Variants in RELN observed in about 807,000 individuals in gnomAD.
RELN encodes the protein reelin.
A neutral mutation model predicts 427.6 loss-of-function variants in RELN; 108 were observed. The observed-to-expected ratio is 0.25, with a 90% CI of 0.22 to 0.30. The LOEUF (loss-of-function observed/expected upper bound fraction) is 0.30, where lower values mean the gene tolerates loss of function less well. Among genes scored for constraint, RELN ranks in the 10% least tolerant of loss-of-function variants. The pLI, the probability that RELN is intolerant of heterozygous loss-of-function variation, is 1.00. For missense variants in RELN, 3,715 were observed against 4,302.8 expected (o/e 0.86, Z 3.82); for synonymous variants, 1,524 against 1,513.4 (o/e 1.01, Z -0.16).
At chr7:103,806,593 G>A (rs183892453) in intron 3 of RELN, among the ~76,000 whole-genome samples, 15 of 152,056 alleles carry the variant, frequency 9.9e-5, no homozygotes, top group Non-Finnish European at 2.2e-4. Flanking sequence ...CCAAAGTGCT[G>A]GGATTACAGG....
Position 103,561,800 on chromosome 7 carries a change from T to TA in RELN, c.5351+12_5351+13insT. ...CGTTACAAAGAAAGAAACTGTCAGT[T>TA]TTATTAACTTACACACAGCGTCCAG... On this transcript the variant is annotated intron_variant, in intron 35 of 64. Transcript: ENST00000428762. 6.2e-7 allele frequency: 1 copy of TA among 1,613,902 alleles called. No homozygotes were observed. Among genetic ancestry groups the TA allele is most frequent in the Non-Finnish European group, 8.5e-7 (1 of 1,179,942 alleles).
chr7:103,574,015 C>T (rs1391907832), intron 30 of RELN, 77 bp downstream of exon 30: 1 of 1,100,614 alleles, frequency 9.1e-7, no homozygotes, highest in East Asian at 2.4e-5. Context: ...AATAACAGAA[C>T]AGAATGTTTT....
chr7:103,796,593 G>C (rs1354006245), intron 3 of RELN, among the ~76,000 whole-genome samples: 4 of 152,158 alleles, frequency 2.6e-5, no homozygotes, highest in African/African-American at 9.7e-5. Context: ...TACAGTCTGG[G>C]TGTGGTGACG....
intron 1 of RELN, among the ~76,000 whole-genome samples, chr7:103,919,451 C>A (rs1161796382): frequency 6.6e-6 from 1 of 152,098 alleles, no homozygotes; most frequent in African/African-American, 2.4e-5. Flanking sequence ...TTCTCTCCAT[C>A]CCCTTTCTTT....
At chr7:103,705,910 T>C (rs940802233) in intron 8 of RELN, among the ~76,000 whole-genome samples, 1 of 152,250 alleles carries the variant, frequency 6.6e-6, no homozygotes, top group African/African-American at 2.4e-5. Flanking sequence ...GCATTCTATT[T>C]AATGAACTTT....
intron 7 of RELN, among the ~76,000 whole-genome samples, chr7:103,727,182 T>G (rs1790233183): frequency 6.6e-6 from 1 of 152,138 alleles, no homozygotes; most frequent in South Asian, 2.1e-4. Flanking sequence ...TTTTGACAAC[T>G]TTTAAAGTTA....
At chr7:103,709,816 T>C (rs1789749125) in intron 8 of RELN, among the ~76,000 whole-genome samples, 2 of 152,202 alleles carry the variant, frequency 1.3e-5, no homozygotes, top group Non-Finnish European at 2.9e-5. Flanking sequence ...AAAAATATTG[T>C]TTTGCATTAA....
At chr7:103,622,170 A>C (rs1832236007) in intron 20 of RELN, among the ~76,000 whole-genome samples, 2 of 152,216 alleles carry the variant, frequency 1.3e-5, no homozygotes, top group Non-Finnish European at 2.9e-5. Context: ...TCACTCAGCT[A>C]TTCAGTCCAA....
chr7:103,793,664 C>T (rs936490585), intron 3 of RELN, among the ~76,000 whole-genome samples: 3 of 152,150 alleles, frequency 2.0e-5, no homozygotes, highest in Non-Finnish European at 2.9e-5. Context: ...GACAGTGGCC[C>T]TAGCAGGTGT....
chr7:103,817,860 G>T (rs1283442746), intron 3 of RELN, among the ~76,000 whole-genome samples: 1 of 139,324 alleles, frequency 7.2e-6, no homozygotes, highest in Non-Finnish European at 1.5e-5. Flanking sequence ...CAGGAGAATT[G>T]CTTAAACCTG....
chr7:103,568,617 C>T (rs185927183), intron 31 of RELN, among the ~76,000 whole-genome samples: 43 of 152,284 alleles, frequency 2.8e-4, no homozygotes, highest in South Asian at 4.1e-4. Flanking sequence ...GGCATAAGCT[C>T]TAGTCTCCAA....
chr7:103,758,616 A>T (rs963938), intron 4 of RELN, among the ~76,000 whole-genome samples: 6,609 of 151,426 alleles, frequency 0.044, 246 homozygotes, highest in African/African-American at 0.1. Context: ...ACTTAATTTC[A>T]TAAGTCAAAT....
chr7:103,757,101 C>T (rs1200996967), intron 4 of RELN, among the ~76,000 whole-genome samples: 1 of 152,144 alleles, frequency 6.6e-6, no homozygotes, highest in African/African-American at 2.4e-5. Flanking sequence ...TATAGTTCAA[C>T]ATTATTTAGT....
chr7:103,830,999 ACT>A lies in RELN; in HGVS notation c.473+2536_473+2537del, dbSNP rs1266871384. Among the ~76,000 whole-genome samples, 4 of 152,138 alleles carry A rather than the reference ACT, an allele frequency of 2.6e-5. No homozygotes were observed. In the East Asian group the frequency reaches 7.7e-4, roughly 29 times the overall value. ...TTTTCCAACTAACTGCTAAGAAAAC[ACT>A]GTTTGAATCTAAGACTTAAAATACC... On this transcript the variant is annotated intron_variant, in intron 3 of 64. Transcript: ENST00000428762.
Position 103,776,685 on chromosome 7 carries a change from AT to A in RELN, c.474-59del, listed in dbSNP as rs899254541. The A allele has an allele frequency of 2.6e-6, 4 of 1,552,536 alleles. No individual in the cohort carries two copies. The African/African-American group carries it at 5.4e-5, about 21-fold the overall frequency. On this transcript the variant is annotated intron_variant, in intron 3 of 64. Transcript: ENST00000428762. ...CTTGTAATATGTTTGGTGAAAATGT[AT>A]GTTTAAAACTTTTTAAAAAGCTTAT...
At chr7:103,773,421 C>T (rs1353348415) in intron 4 of RELN, among the ~76,000 whole-genome samples, 1 of 83,822 alleles carries the variant, frequency 1.2e-5, no homozygotes, top group African/African-American at 6.6e-5. Flanking sequence ...CTCTCTCCCT[C>T]GCTCCCTCTC....
chr7:103,550,940 C>T (rs1462959777), intron 41 of RELN, 127 bp downstream of exon 41: 1 of 775,930 alleles, frequency 1.3e-6, no homozygotes, highest in East Asian at 2.7e-5. Flanking sequence ...ATCCACTGAT[C>T]TGCTTGAGAA....
chr7:103,474,137 G>T (rs1256207347), intron 64 of RELN, among the ~76,000 whole-genome samples: 1 of 152,028 alleles, frequency 6.6e-6, no homozygotes, highest in Non-Finnish European at 1.5e-5. Flanking sequence ...ACTAGCACTT[G>T]TAAAATATAA....
rs1563128474 is a variant in RELN, at chr7:103,989,627, G to A, written c.-271C>T. On this transcript the variant is annotated 5_prime_UTR_variant, in exon 1 of 65. Transcript: ENST00000428762. The surrounding 1 kb of genome is among the most constrained non-coding windows in gnomAD (Gnocchi z 4.9). ...TCTGCCGCCTCCGTGCGCCGCCGCC[G>A]CCTCTGCGCGACGCCCCTCGGCCAG... The A allele has an allele frequency of 1.1e-5, 4 of 349,228 alleles. No individual in the cohort carries two copies. Among genetic ancestry groups the A allele is most frequent in the South Asian group, 1.1e-4 (1 of 8,888 alleles). 21.6% of individuals were successfully genotyped at this position (349,228 alleles called of 1,614,324 possible). A position where few individuals can be genotyped will look rare whatever the true frequency, so the allele number is the denominator to read the frequency against.
Sources: gnomAD v4.1 joint callset for allele counts (sites outside exome capture counted in the v4.1 genomes callset) on GRCh38, gnomAD v4.1.1 for gene constraint, Gnocchi (gnomAD v3.1) non-coding constraint, MANE v1.5 for transcripts, NCBI Gene and HGNC (gene_info 2026-07-23, HGNC 2026-07-21) for gene names.